GPC3: variants seen among roughly 807,000 people sequenced by gnomAD.
GPC3 encodes glypican-3.
GPC3 carries 3 observed loss-of-function variants against 34.4 expected under a neutral mutation model. That is an observed-to-expected ratio of 0.09 (90% CI 0.04 to 0.23). The LOEUF (loss-of-function observed/expected upper bound fraction) is 0.23, where lower values mean the gene tolerates loss of function less well. GPC3 is among the 10% of genes least tolerant of loss of function. The pLI is 1.00. For synonymous variants in GPC3, 177 were observed against 174.0 expected (o/e 1.02, Z -0.13); for missense variants, 351 against 445.6 (o/e 0.79, Z 1.91).
At chrX:133,558,469 A>T (rs2069512513) in intron 7 of GPC3, among the ~76,000 whole-genome samples, 1 of 110,807 alleles carries the variant, frequency 9.0e-6, no homozygotes, top group Non-Finnish European at 1.9e-5. Flanking sequence ...TTTCTCTAAA[A>T]TCTCTTCTAA....
chrX:133,912,835 A>G (rs2076206846), intron 2 of GPC3, among the ~76,000 whole-genome samples: 1 of 111,871 alleles, frequency 8.9e-6, no homozygotes, highest in Non-Finnish European at 1.9e-5. Flanking sequence ...ATGTATATAA[A>G]GCACATATCA....
chrX:133,822,413 A>G (rs1419008572), intron 2 of GPC3, among the ~76,000 whole-genome samples: 2 of 112,152 alleles, frequency 1.8e-5, no homozygotes, highest in Admixed American at 9.5e-5. Flanking sequence ...AAAGTTCTTA[A>G]TAAGGAAAGA....
intron 2 of GPC3, among the ~76,000 whole-genome samples, chrX:133,816,727 G>A (rs1176645751): frequency 9.0e-6 from 1 of 111,298 alleles, no homozygotes; most frequent in Non-Finnish European, 1.9e-5. Flanking sequence ...GGGGAACAAG[G>A]AAGAGCAAGA....
At chrX:133,764,445 G>A (rs964609758) in intron 2 of GPC3, among the ~76,000 whole-genome samples, 1 of 111,747 alleles carries the variant, frequency 8.9e-6, no homozygotes, top group Admixed American at 9.5e-5. Flanking sequence ...TTGAATCTAT[G>A]TATATGACCC....
intron 2 of GPC3, among the ~76,000 whole-genome samples, chrX:133,850,643 A>C (rs1470660208): frequency 1.8e-5 from 2 of 111,347 alleles, no homozygotes; most frequent in Non-Finnish European, 3.8e-5. Flanking sequence ...AGTATGTACA[A>C]GGCATATCTA....
Position 133,551,735 on chromosome X carries a change from G to A in GPC3, c.1574-15442C>T, listed in dbSNP as rs183650221. 6.3e-5 allele frequency among the ~76,000 whole-genome samples: 7 copies of A among 111,493 alleles called. No homozygotes were observed. In the East Asian group the frequency reaches 2.0e-3, roughly 32 times the overall value. Reference sequence around the variant, plus strand: ...TATCTCCTTCTTTAATTTTCCACCAGTTTCCATTCCCTTACTGTTCTCCTC... The same window carrying A: ...TATCTCCTTCTTTAATTTTCCACCAATTTCCATTCCCTTACTGTTCTCCTC... On this transcript the variant is annotated intron_variant, in intron 7 of 7. Coordinates refer to ENST00000370818, the MANE Select transcript of GPC3 (RefSeq NM_004484.4).
intron 7 of GPC3, among the ~76,000 whole-genome samples, chrX:133,593,354 T>TAAAAAAAAA (rs1186766438): frequency 4.2e-5 from 2 of 47,696 alleles, no homozygotes; most frequent in Non-Finnish European, 7.7e-5. Context: ...AAAAAAAAAG[T>TAAAAAAAAA]AAAAAAAAAA....
intron 5 of GPC3, among the ~76,000 whole-genome samples, chrX:133,679,911 C>A: frequency 9.0e-6 from 1 of 111,730 alleles, no homozygotes; most frequent in Non-Finnish European, 1.9e-5. Context: ...CCACCTTGGC[C>A]TCCCAAAGTG....
intron 1 of GPC3, among the ~76,000 whole-genome samples, chrX:133,957,779 T>C (rs748207873): frequency 8.9e-6 from 1 of 111,812 alleles, no homozygotes; most frequent in African/African-American, 3.2e-5. Flanking sequence ...AACCCCTTTA[T>C]TAGATATAAG....
chrX:133,859,877 C>T (rs965417217), intron 2 of GPC3, among the ~76,000 whole-genome samples: 1 of 111,667 alleles, frequency 9.0e-6, no homozygotes, highest in African/African-American at 3.3e-5. Context: ...GTATCAGCAT[C>T]GGCTTCTGCA....
intron 7 of GPC3, among the ~76,000 whole-genome samples, chrX:133,548,983 G>A (rs1350982755): frequency 1.8e-5 from 2 of 111,323 alleles, no homozygotes; most frequent in Non-Finnish European, 3.8e-5. Context: ...CCAGGCTCAG[G>A]CATGTCTTTA....
At chrX:133,568,512 G>A (rs1032633617) in intron 7 of GPC3, among the ~76,000 whole-genome samples, 2 of 111,828 alleles carry the variant, frequency 1.8e-5, no homozygotes, top group Non-Finnish European at 3.8e-5. Context: ...TCTCAGATTC[G>A]GAGAAGAATT....
intron 6 of GPC3, among the ~76,000 whole-genome samples, chrX:133,605,641 A>G (rs2070041346): frequency 8.9e-6 from 1 of 112,263 alleles, no homozygotes; most frequent in South Asian, 3.8e-4. Flanking sequence ...GGACATGTTA[A>G]CTCTTCTGCT....
At chrX:133,958,536 C>T (rs1485812740) in intron 1 of GPC3, among the ~76,000 whole-genome samples, 4 of 95,315 alleles carry the variant, frequency 4.2e-5, no homozygotes. Context: ...CAGAGTGAGA[C>T]CCAGTCTCAA....
intron 2 of GPC3, among the ~76,000 whole-genome samples, chrX:133,880,864 A>AAAT (rs941188375): frequency 9.9e-5 from 11 of 111,648 alleles, no homozygotes; most frequent in South Asian, 3.8e-4. Flanking sequence ...AAGATTTACC[A>AAAT]AATAATAATA....
At chrX:133,581,444 T>A (rs2069729874) in intron 7 of GPC3, among the ~76,000 whole-genome samples, 1 of 112,186 alleles carries the variant, frequency 8.9e-6, no homozygotes, top group Non-Finnish European at 1.9e-5. Flanking sequence ...AAATATATTG[T>A]CTTACCCAGT....
intron 3 of GPC3, among the ~76,000 whole-genome samples, chrX:133,742,504 A>C (rs750274017): frequency 2.9e-4 from 33 of 112,098 alleles, no homozygotes; most frequent in African/African-American, 9.4e-4. Flanking sequence ...TTAATGATAA[A>C]AAATAATTCA....
intron 7 of GPC3, among the ~76,000 whole-genome samples, chrX:133,573,000 G>A (rs1166250481): frequency 9.0e-6 from 1 of 111,593 alleles, no homozygotes; most frequent in African/African-American, 3.2e-5. Flanking sequence ...AAACACAAAC[G>A]TTCTCAACAA....
At chrX:133,780,935 T>C (rs2072038426) in intron 2 of GPC3, among the ~76,000 whole-genome samples, 1 of 111,924 alleles carries the variant, frequency 8.9e-6, no homozygotes, top group Non-Finnish European at 1.9e-5. Context: ...TTCTCCATGA[T>C]GGCTTATTCC....
Sources: gnomAD v4.1 joint callset for allele counts (sites outside exome capture counted in the v4.1 genomes callset) on GRCh38, gnomAD v4.1.1 for gene constraint, MANE v1.5 for transcripts, NCBI Gene and HGNC (gene_info 2026-07-23, HGNC 2026-07-21) for gene names.